CCDC102B: variants seen among roughly 807,000 people sequenced by gnomAD.
The protein encoded by CCDC102B is coiled-coil domain-containing protein 102B.
A neutral mutation model predicts 57.4 loss-of-function variants in CCDC102B; 75 were observed. The ratio of observed to expected loss-of-function variants is 1.31; its 90% CI spans 1.08 to 1.58. The LOEUF is 1.58. Ranked by LOEUF, CCDC102B falls within the 40% of genes most tolerant of loss-of-function variation. CCDC102B has a pLI of 0.00. For synonymous variants in CCDC102B, 206 were observed against 201.9 expected, an observed-to-expected ratio of 1.02 and a Z score of -0.17; for missense variants, 636 against 582.6, an observed-to-expected ratio of 1.09 and a Z score of -0.94.
intron 6 of CCDC102B, among the ~76,000 whole-genome samples, chr18:68,983,933 A>G (rs140889213): frequency 4.8e-4 from 73 of 152,132 alleles, no homozygotes; most frequent in South Asian, 4.4e-3. Context: ...CATCACAATA[A>G]CAAAACCAAT....
chr18:68,865,473 C>T (rs1257041727), intron 4 of CCDC102B, among the ~76,000 whole-genome samples: 1 of 152,084 alleles, frequency 6.6e-6, no homozygotes, highest in Non-Finnish European at 1.5e-5. Context: ...CATACCACTG[C>T]CATCTCCCTA....
At chr18:68,750,699 C>CA (rs1354241753) in intron 2 of CCDC102B, among the ~76,000 whole-genome samples, 2 of 147,554 alleles carry the variant, frequency 1.4e-5, no homozygotes, top group African/African-American at 2.5e-5. Context: ...ATCACAAGGA[C>CA]AAAAAAACCG....
intron 6 of CCDC102B, among the ~76,000 whole-genome samples, chr18:68,932,760 A>T (rs2041718892): frequency 6.6e-6 from 1 of 151,880 alleles, no homozygotes; most frequent in East Asian, 1.9e-4. Context: ...CAGATCATTA[A>T]ACCAATCTGT....
At chr18:68,892,064 C>CT (rs929511050) in intron 5 of CCDC102B, among the ~76,000 whole-genome samples, 4 of 152,266 alleles carry the variant, frequency 2.6e-5, no homozygotes, top group Admixed American at 2.6e-4. Flanking sequence ...TGAAGGGACA[C>CT]TTTTTAAAAA....
intron 7 of CCDC102B, among the ~76,000 whole-genome samples, chr18:69,046,706 C>T (rs2052576622): frequency 6.6e-6 from 1 of 152,006 alleles, no homozygotes. Flanking sequence ...AGGTTATATT[C>T]CAGGGCTTTT....
intron 6 of CCDC102B, among the ~76,000 whole-genome samples, chr18:68,980,836 C>A (rs545236124): frequency 6.6e-6 from 1 of 151,896 alleles, no homozygotes; most frequent in Non-Finnish European, 1.5e-5. Context: ...TATTTGGGAA[C>A]GTGTAGGACA....
intron 7 of CCDC102B, among the ~76,000 whole-genome samples, chr18:69,016,935 A>G (rs1324934072): frequency 6.6e-6 from 1 of 152,154 alleles, no homozygotes; most frequent in Non-Finnish European, 1.5e-5. Context: ...GATAGGTCAA[A>G]TTGTGGAAAT....
chr18:69,047,415 C>T (rs1350969412), intron 7 of CCDC102B, among the ~76,000 whole-genome samples: 1 of 152,070 alleles, frequency 6.6e-6, no homozygotes, highest in Non-Finnish European at 1.5e-5. Flanking sequence ...CCATCTAAGA[C>T]AAACCCACAA....
chr18:68,774,354 G>T (rs1354796339), intron 2 of CCDC102B, among the ~76,000 whole-genome samples: 2 of 151,694 alleles, frequency 1.3e-5, no homozygotes, highest in Admixed American at 6.6e-5. Context: ...GAGTCACATT[G>T]ATGCTTCCAT....
At chr18:68,872,660 G>A (rs1249256324) in intron 4 of CCDC102B, among the ~76,000 whole-genome samples, 1 of 151,516 alleles carries the variant, frequency 6.6e-6, no homozygotes, top group Admixed American at 6.6e-5. Flanking sequence ...GTTATTTTAA[G>A]AGCCTCTGTC....
intron 1 of CCDC102B, among the ~76,000 whole-genome samples, chr18:68,835,393 A>T (rs1042641199): frequency 3.6e-4 from 1 of 2,784 alleles, no homozygotes; most frequent in African/African-American, 3.7e-4. Flanking sequence ...ATTACATAAT[A>T]AATAAAGTTA....
intron 4 of CCDC102B, among the ~76,000 whole-genome samples, chr18:68,855,415 A>T (rs1315645789): frequency 6.6e-6 from 1 of 152,202 alleles, no homozygotes; most frequent in African/African-American, 2.4e-5. Context: ...TAAATGCTGT[A>T]ATCCTTCTGA....
chr18:68,945,076 GTGTCTC>G lies in CCDC102B; in HGVS notation c.1263+47650_1263+47655del, dbSNP rs1319216499. Reference sequence around the variant, plus strand: ...GGTGTGTCTCTGTCTGTGTGTGTGTGTGTCTCTCTCTCTGCCTCTCTCTCTCTCTCT... The same window carrying G: ...GGTGTGTCTCTGTCTGTGTGTGTGTGTCTCTCTGCCTCTCTCTCTCTCTCT... On this transcript the variant is annotated intron_variant, in intron 6 of 7. Coordinates refer to ENST00000360242, the MANE Select transcript of CCDC102B (RefSeq NM_024781.3). Among the ~76,000 whole-genome samples, 3 of 144,244 alleles carry G rather than the reference GTGTCTC, an allele frequency of 2.1e-5. No homozygotes were observed. In the East Asian group the frequency reaches 6.3e-4, roughly 30 times the overall value. 94.6% of individuals were successfully genotyped at this position (144,244 alleles called of 152,430 possible).
chr18:68,932,083 G>A (rs961113435), intron 6 of CCDC102B, among the ~76,000 whole-genome samples: 2 of 151,318 alleles, frequency 1.3e-5, no homozygotes, highest in African/African-American at 2.4e-5. Flanking sequence ...CTTCTAACAT[G>A]ACTTGTATAT....
At chr18:68,858,856 G>A (rs1910668303) in intron 4 of CCDC102B, 1 of 152,066 alleles carries the variant, frequency 6.6e-6, no homozygotes, top group Non-Finnish European at 1.5e-5. Flanking sequence ...TCAAGAAGAT[G>A]GGAAAATATT....
At chr18:68,959,316 T>C (rs1252648052) in intron 6 of CCDC102B, among the ~76,000 whole-genome samples, 1 of 152,142 alleles carries the variant, frequency 6.6e-6, no homozygotes, top group East Asian at 1.9e-4. Flanking sequence ...TTCACTAATT[T>C]AGCTGGCAAA....
intron 2 of CCDC102B, among the ~76,000 whole-genome samples, chr18:68,741,155 C>T (rs899317074): frequency 1.3e-5 from 2 of 152,216 alleles, no homozygotes; most frequent in African/African-American, 4.8e-5. Context: ...ATAGTGTTAA[C>T]TTTGGCCAGT....
In CCDC102B at chr18:68,974,236, C is replaced by A. The variant is rs111669408; in HGVS notation, c.1264-36698C>A. Among the ~76,000 whole-genome samples, 534 of 152,114 alleles carry A rather than the reference C, an allele frequency of 3.5e-3. 1 individual carries two copies. Among genetic ancestry groups the A allele is most frequent in the African/African-American group, 0.012 (507 of 41,504 alleles). On this transcript the variant is annotated intron_variant, in intron 6 of 7. Transcript: ENST00000360242. ...ATTAATGCCACTGTAAATGGAGTTT[C>A]TGCAAGTGGACTTTCTCTCTCTTCT... is the stretch of plus-strand genomic sequence containing the variant.
At chr18:68,990,798 T>TA (rs2050845060) in intron 6 of CCDC102B, among the ~76,000 whole-genome samples, 1 of 152,148 alleles carries the variant, frequency 6.6e-6, no homozygotes, top group African/African-American at 2.4e-5. Context: ...TTTATAGATA[T>TA]AGGTACTTAG....
Sources: gnomAD v4.1 joint callset for allele counts (sites outside exome capture counted in the v4.1 genomes callset) on GRCh38, gnomAD v4.1.1 for gene constraint, MANE v1.5 for transcripts, NCBI Gene and HGNC (gene_info 2026-07-23, HGNC 2026-07-21) for gene names.